ADAM22: variants seen among roughly 807,000 people sequenced by gnomAD.
ADAM22 encodes the protein disintegrin and metalloproteinase domain-containing protein 22.
A neutral mutation model predicts 144.6 loss-of-function variants in ADAM22; 65 were observed. The observed-to-expected ratio is 0.45, with a 90% CI of 0.37 to 0.55. The LOEUF (loss-of-function observed/expected upper bound fraction) is 0.55. Ranked by LOEUF, ADAM22 falls within the 20% of genes least tolerant of loss-of-function variation. ADAM22 has a pLI of 0.00. For synonymous variants in ADAM22, 391 were observed against 412.6 expected (o/e 0.95, Z 0.63); for missense variants, 974 against 1,184.9 (o/e 0.82, Z 2.61).
chr7:87,978,882 G>GTATGCTTTGTTTCCA (rs1852565777), intron 3 of ADAM22, among the ~76,000 whole-genome samples: 1 of 151,904 alleles, frequency 6.6e-6, no homozygotes, highest in African/African-American at 2.4e-5. Context: ...TGAGGTTTCT[G>GTATGCTTTGTTTCCA]GTACTGGGAT....
intron 4 of ADAM22, among the ~76,000 whole-genome samples, chr7:88,094,552 A>C (rs1820757729): frequency 6.6e-6 from 1 of 152,192 alleles, no homozygotes; most frequent in Non-Finnish European, 1.5e-5. Flanking sequence ...GTACAATGTA[A>C]AGGAAATCAG....
At chr7:88,054,415 T>G (rs984350442) in intron 3 of ADAM22, among the ~76,000 whole-genome samples, 2 of 152,164 alleles carry the variant, frequency 1.3e-5, no homozygotes, top group Non-Finnish European at 2.9e-5. Context: ...TATTATATTA[T>G]TAGAAAGCTC....
intron 3 of ADAM22, among the ~76,000 whole-genome samples, chr7:88,017,084 A>C (rs543263935): frequency 2.6e-5 from 4 of 152,188 alleles, no homozygotes; most frequent in African/African-American, 9.6e-5. Flanking sequence ...GCACCACTGT[A>C]CTCCAGCCTG....
intron 3 of ADAM22, among the ~76,000 whole-genome samples, chr7:88,007,669 A>G (rs1005912204): frequency 2.6e-5 from 4 of 152,206 alleles, no homozygotes; most frequent in Admixed American, 6.5e-5. Context: ...TATTTAATAA[A>G]TGGTGCTGGG....
At chr7:88,035,701 T>A (rs1164765286) in intron 3 of ADAM22, among the ~76,000 whole-genome samples, 1 of 152,252 alleles carries the variant, frequency 6.6e-6, no homozygotes, top group Non-Finnish European at 1.5e-5. Context: ...AATCTAGAGA[T>A]GACCAGAGTA....
rs1465097467 is a variant in ADAM22 at position 88,202,485 on chromosome 7, G to T, written c.*5994G>T. 2 of 152,168 alleles carry T rather than the reference G, an allele frequency of 1.3e-5. No individual in the cohort carries two copies. Among genetic ancestry groups the T allele is most frequent in the Non-Finnish European group, 2.9e-5 (2 of 68,038 alleles). 9.4% of individuals were successfully genotyped at this position (152,168 alleles called of 1,614,324 possible). A position where few individuals can be genotyped will look rare whatever the true frequency, so the allele number is the denominator to read the frequency against. On this transcript the variant is annotated 3_prime_UTR_variant, in exon 32 of 32. Coordinates refer to ENST00000413139, the MANE Select transcript of ADAM22 (RefSeq NM_001324418.2). ...GATAGTGGAAGCCACCCCATGAGGAGGTGTTAATAGCAGCATGGTTTCACT... is the reference window on the plus strand; with the variant it reads ...GATAGTGGAAGCCACCCCATGAGGATGTGTTAATAGCAGCATGGTTTCACT...
intron 3 of ADAM22, among the ~76,000 whole-genome samples, chr7:88,032,512 A>C (rs1197911594): frequency 1.3e-5 from 2 of 152,218 alleles, no homozygotes; most frequent in African/African-American, 4.8e-5. Flanking sequence ...ATAGGTGGAA[A>C]GGACCTGCCT....
intron 4 of ADAM22, among the ~76,000 whole-genome samples, chr7:88,102,899 A>G (rs960969244): frequency 5.9e-5 from 9 of 152,108 alleles, no homozygotes; most frequent in African/African-American, 2.2e-4. Context: ...TGTTATCTCT[A>G]GTTAATTGGT....
At chr7:88,048,140 G>A (rs1805181304) in intron 3 of ADAM22, among the ~76,000 whole-genome samples, 1 of 151,970 alleles carries the variant, frequency 6.6e-6, no homozygotes, top group Admixed American at 6.6e-5. Flanking sequence ...CTGATCGGCA[G>A]CCTACTTTTT....
chr7:88,122,810 C>G (rs576882806), intron 7 of ADAM22, among the ~76,000 whole-genome samples: 2 of 152,278 alleles, frequency 1.3e-5, no homozygotes, highest in South Asian at 4.1e-4. Context: ...AATGTTGACC[C>G]TTTCTTGACT....
At chr7:88,030,749 C>T (rs1443392145) in intron 3 of ADAM22, among the ~76,000 whole-genome samples, 3 of 152,132 alleles carry the variant, frequency 2.0e-5, no homozygotes, top group Admixed American at 1.3e-4. Flanking sequence ...TTGCCTTCCG[C>T]CATGATTGTA....
chr7:88,116,020 G>T (rs757548344), intron 6 of ADAM22, among the ~76,000 whole-genome samples: 4 of 152,138 alleles, frequency 2.6e-5, no homozygotes, highest in Non-Finnish European at 5.9e-5. Flanking sequence ...CAAGAAACAT[G>T]CATGGCTTTG....
intron 3 of ADAM22, among the ~76,000 whole-genome samples, chr7:88,051,033 A>G (rs1806187210): frequency 6.6e-6 from 1 of 152,194 alleles, no homozygotes; most frequent in East Asian, 1.9e-4. Context: ...AATGGCGATC[A>G]TTAAAAAGTC....
At chr7:87,974,053 G>A (rs1283359230) in intron 2 of ADAM22, among the ~76,000 whole-genome samples, 4 of 150,720 alleles carry the variant, frequency 2.7e-5, no homozygotes, top group East Asian at 2.0e-4. Context: ...AAAGCTGCAC[G>A]TTGTGCACAT....
intron 4 of ADAM22, among the ~76,000 whole-genome samples, chr7:88,096,210 A>G (rs1164779802): frequency 1.3e-5 from 2 of 149,910 alleles, no homozygotes; most frequent in African/African-American, 4.9e-5. Context: ...GGCATGAGTC[A>G]TTGTGCCTGG....
In ADAM22 at chr7:87,966,895, A is replaced by G. The variant is rs186395650; in HGVS notation, c.247-11441A>G. On this transcript the variant is annotated intron_variant, in intron 2 of 31. Coordinates refer to ENST00000413139, the MANE Select transcript of ADAM22 (RefSeq NM_001324418.2). Reference sequence around the variant, plus strand: ...ATATGGTTTGGCTGTGTCCCCGCCCACATCTCATCTTGAATTGTAGTTCCC... The same window carrying G: ...ATATGGTTTGGCTGTGTCCCCGCCCGCATCTCATCTTGAATTGTAGTTCCC... Among the ~76,000 whole-genome samples the G allele has an allele frequency of 4.6e-3, 706 of 151,972 alleles. 3 individuals carry two copies. The highest frequency in any genetic ancestry group is 7.2e-3 in the Admixed American group (110 of 15,252).
intron 2 of ADAM22, among the ~76,000 whole-genome samples, chr7:87,947,810 A>G (rs1844081915): frequency 6.6e-6 from 1 of 152,184 alleles, no homozygotes; most frequent in Admixed American, 6.5e-5. Flanking sequence ...AATTATTTTA[A>G]TTTAATTACA....
At chr7:87,978,554 G>A in intron 3 of ADAM22, 142 bp downstream of exon 3, 1 of 605,016 alleles carries the variant, frequency 1.7e-6, no homozygotes, top group Non-Finnish European at 2.8e-6. Context: ...CTTATTTACT[G>A]TAGGTTATAA....
In ADAM22 at chr7:87,980,473, A is replaced by T. The variant is rs113346264; in HGVS notation, c.323+2061A>T. ...AGGAGCAGGAACGTGAAGAACAATA[A>T]GTTCTTTAAACTTTTTTTTTCTTAT... On this transcript the variant is annotated intron_variant, in intron 3 of 31. Coordinates refer to ENST00000413139, the MANE Select transcript of ADAM22 (RefSeq NM_001324418.2). 7.6e-3 allele frequency among the ~76,000 whole-genome samples: 881 copies of T among 116,620 alleles called. 15 individuals are homozygous for T. Among genetic ancestry groups the T allele is most frequent in the East Asian group, 0.051 (238 of 4,626 alleles). The allele number at this position is 116,620 out of a possible 152,430, so 76.5% of individuals were successfully genotyped here. A position where few individuals can be genotyped will look rare whatever the true frequency, so the allele number is the denominator to read the frequency against.
Sources: gnomAD v4.1 joint callset for allele counts (sites outside exome capture counted in the v4.1 genomes callset) on GRCh38, gnomAD v4.1.1 for gene constraint, MANE v1.5 for transcripts, NCBI Gene and HGNC (gene_info 2026-07-23, HGNC 2026-07-21) for gene names.